The following GRIK4 variants were observed in gnomAD, a reference collection of about 807,000 sequenced individuals.
GRIK4 encodes glutamate ionotropic receptor kainate type subunit 4, also known as glutamate receptor ionotropic, kainate 4.
In GRIK4, 40 loss-of-function variants were observed where a neutral mutation model predicts 104.9. The ratio of observed to expected loss-of-function variants is 0.38; its 90% CI spans 0.30 to 0.50. The LOEUF is 0.50. Among genes scored for constraint, GRIK4 ranks in the 20% least tolerant of loss-of-function variants. The pLI is 0.93. For missense variants in GRIK4, 1,047 were observed against 1,308.1 expected (o/e 0.80, Z 3.08); for synonymous variants, 485 against 524.9 (o/e 0.92, Z 1.04).
intron 3 of GRIK4, among the ~76,000 whole-genome samples, chr11:120,723,980 C>G (rs748246756): frequency 7.8e-4 from 119 of 152,250 alleles, no homozygotes; most frequent in South Asian, 7.1e-3. Context: ...CTACCCCCTG[C>G]TCTTGGCAAC....
In GRIK4 at chr11:120,985,812, G is replaced by A. The variant is rs1285276774; in HGVS notation, c.2515-92G>A. On this transcript the variant is annotated intron_variant, in intron 20 of 20. Transcript: ENST00000527524. ...CTTAAGATGACACGATTCTGTGACC[G>A]CTGCCCCCTTCATCCCTCATCCCAG... The A allele has an allele frequency of 8.8e-6, 10 of 1,130,460 alleles. No homozygotes were observed. In the East Asian group the frequency reaches 1.6e-4, roughly 18 times the overall value. 70.0% of individuals were successfully genotyped at this position (1,130,460 alleles called of 1,614,324 possible). A position where few individuals can be genotyped will look rare whatever the true frequency, so the allele number is the denominator to read the frequency against.
Position 120,897,648 on chromosome 11 carries a change from G to GTTCTT in GRIK4, c.1165-883_1165-879dup, listed in dbSNP as rs529438261. Reference sequence around the variant, plus strand: ...AAAAAGAGTACATCTCATATTAAGTGTTCTTATCACAATAAAATAAAAACA... The same window carrying GTTCTT: ...AAAAAGAGTACATCTCATATTAAGTGTTCTTTTCTTATCACAATAAAATAAAAACA... On this transcript the variant is annotated intron_variant, in intron 11 of 20. Coordinates refer to ENST00000527524, the MANE Select transcript of GRIK4 (RefSeq NM_014619.5). 4.4e-4 allele frequency among the ~76,000 whole-genome samples: 36 copies of GTTCTT among 82,442 alleles called. 1 individual carries two copies. The highest frequency in any genetic ancestry group is 1.4e-3 in the African/African-American group (36 of 25,774). The allele number at this position is 82,442 out of a possible 152,430, so 54.1% of individuals were successfully genotyped here. A position where few individuals can be genotyped will look rare whatever the true frequency, so the allele number is the denominator to read the frequency against.
At chr11:120,705,605 C>T (rs577661417) in intron 3 of GRIK4, among the ~76,000 whole-genome samples, 73 of 152,224 alleles carry the variant, frequency 4.8e-4, no homozygotes, top group Non-Finnish European at 8.7e-4. Context: ...TGGGGAGTAT[C>T]GCCATCAAAA....
chr11:120,850,768 T>TGAAAA (rs141127565), intron 8 of GRIK4, among the ~76,000 whole-genome samples: 49,245 of 150,932 alleles, frequency 0.33, 8,891 homozygotes, highest in East Asian at 0.49. Context: ...AGAAGGAGAC[T>TGAAAA]GAAAATAAAA....
intron 3 of GRIK4, among the ~76,000 whole-genome samples, chr11:120,737,357 C>T (rs1470877051): frequency 3.9e-5 from 6 of 152,216 alleles, no homozygotes; most frequent in Non-Finnish European, 8.8e-5. Flanking sequence ...GCACCAATAG[C>T]TGCTAATACT....
chr11:120,968,051 C>G (rs992166271), intron 19 of GRIK4, among the ~76,000 whole-genome samples: 1 of 152,198 alleles, frequency 6.6e-6, no homozygotes, highest in Non-Finnish European at 1.5e-5. Context: ...ATGTAAGTTT[C>G]ATGAGGGTAG....
chr11:120,767,376 C>G (rs1483420819), intron 3 of GRIK4, among the ~76,000 whole-genome samples: 3 of 151,938 alleles, frequency 2.0e-5, no homozygotes, highest in Non-Finnish European at 4.4e-5. Flanking sequence ...GGTCCTTTGC[C>G]CATTTTTAAA....
intron 3 of GRIK4, among the ~76,000 whole-genome samples, chr11:120,678,351 G>T (rs1291804729): frequency 1.3e-5 from 2 of 152,136 alleles, no homozygotes; most frequent in African/African-American, 4.8e-5. Flanking sequence ...TGAGGCTGTG[G>T]TGCTCAGAAG....
At chr11:120,784,910 G>A (rs1213255879) in intron 3 of GRIK4, among the ~76,000 whole-genome samples, 1 of 152,144 alleles carries the variant, frequency 6.6e-6, no homozygotes, top group African/African-American at 2.4e-5. Context: ...CTGGTGCCTG[G>A]CGTGAGGTCG....
chr11:120,662,400 G>C (rs2135244927), intron 3 of GRIK4, among the ~76,000 whole-genome samples: 1 of 152,314 alleles, frequency 6.6e-6, no homozygotes, highest in East Asian at 1.9e-4. Context: ...GGGAAGAAAA[G>C]AAAAACCCAA....
chr11:120,716,185 A>G (rs1034460165), intron 3 of GRIK4, among the ~76,000 whole-genome samples: 1 of 143,642 alleles, frequency 7.0e-6, no homozygotes, highest in African/African-American at 2.6e-5. Flanking sequence ...CTTGATTTGC[A>G]GAAGTCCAGA....
At chr11:120,778,850 T>G (rs1322419413) in intron 3 of GRIK4, among the ~76,000 whole-genome samples, 1 of 152,174 alleles carries the variant, frequency 6.6e-6, no homozygotes, top group Non-Finnish European at 1.5e-5. Context: ...AGCTCTGAAG[T>G]GCCAGACAAT....
At chr11:120,934,900 T>C (rs779066792) in intron 13 of GRIK4, among the ~76,000 whole-genome samples, 21 of 152,192 alleles carry the variant, frequency 1.4e-4, no homozygotes, top group Non-Finnish European at 2.2e-4. Context: ...TCCCAGCTTT[T>C]TCTGGTTTTC....
intron 3 of GRIK4, among the ~76,000 whole-genome samples, chr11:120,789,514 T>G (rs1194244774): frequency 6.6e-6 from 1 of 152,052 alleles, no homozygotes; most frequent in Non-Finnish European, 1.5e-5. Flanking sequence ...AAAATAACCC[T>G]CAAGCTGATC....
At chr11:120,798,096 G>A (rs1476820315) in intron 3 of GRIK4, among the ~76,000 whole-genome samples, 1 of 149,000 alleles carries the variant, frequency 6.7e-6, no homozygotes, top group Non-Finnish European at 1.5e-5. Flanking sequence ...CTGGTTTGCA[G>A]ATAGCCATCT....
intron 1 of GRIK4, among the ~76,000 whole-genome samples, chr11:120,601,977 A>G (rs1211632685): frequency 2.0e-5 from 3 of 152,170 alleles, no homozygotes; most frequent in Non-Finnish European, 2.9e-5. Flanking sequence ...TGACTCCTAC[A>G]GGTCTGGAGG....
intron 1 of GRIK4, among the ~76,000 whole-genome samples, chr11:120,573,779 C>T (rs533819995): frequency 1.3e-5 from 2 of 152,328 alleles, no homozygotes; most frequent in South Asian, 2.1e-4. Context: ...GAGCACAGAG[C>T]TCCAGGATTT....
At chr11:120,577,303 G>C (rs977413904) in intron 1 of GRIK4, among the ~76,000 whole-genome samples, 18 of 152,028 alleles carry the variant, frequency 1.2e-4, no homozygotes, top group African/African-American at 4.3e-4. Context: ...GGTTTCTGAG[G>C]GGGTGAGTGG....
chr11:120,927,586 AAAAGAAAG>A (rs1555096054), intron 13 of GRIK4, among the ~76,000 whole-genome samples: 1 of 95,568 alleles, frequency 1.0e-5, no homozygotes, highest in Non-Finnish European at 2.1e-5. Context: ...AAAAAAAAAA[AAAAGAAAG>A]AAAGAAAGAA....
Sources: allele counts gnomAD v4.1 joint callset (sites outside exome capture counted in the v4.1 genomes callset), GRCh38; gene constraint gnomAD v4.1.1; transcripts MANE v1.5; gene names NCBI Gene and HGNC (gene_info 2026-07-23, HGNC 2026-07-21).